The following INSC variants were observed in gnomAD, a reference collection of about 807,000 sequenced individuals.
The protein encoded by INSC is protein inscuteable homolog.
A neutral mutation model predicts 58.6 loss-of-function variants in INSC; 67 were observed. The observed-to-expected ratio is 1.14, with a 90% CI of 0.94 to 1.40. INSC has a LOEUF of 1.40. Among genes scored for constraint, INSC ranks in the 40% most tolerant of loss-of-function variants. The probability of loss-of-function intolerance (pLI) is 0.00; values close to 1 mark genes in which losing one functional copy is unlikely to be tolerated. For missense variants in INSC, 714 were observed against 692.0 expected (o/e 1.03, Z -0.36); for synonymous variants, 262 against 276.1 (o/e 0.95, Z 0.51).
At chr11:15,255,736 ATGTGTGTGTGTGTGTGTG>A in the INSC span, among the ~76,000 whole-genome samples, 3 of 147,912 alleles carry the variant, frequency 2.0e-5, no homozygotes, top group African/African-American at 7.5e-5. Context: ...AAGTGTGTGT[ATGTGTGTGTGTGTGTGTG>A]TGTGTGTGTG....
rs1031604659 is a variant in INSC, at chr11:15,242,221, A to T, written c.1470+1698A>T. On this transcript the variant is annotated intron_variant, in intron 12 of 12. Coordinates refer to ENST00000379556, the MANE Select transcript of INSC (RefSeq NM_001042536.3). ...TTGGTAGCATTGAAAGCACTTGGGA[A>T]ACTATAAAACTCCATTCAGATATGA... 3.3e-5 allele frequency among the ~76,000 whole-genome samples: 5 copies of T among 152,194 alleles called. No individual in the cohort carries two copies. The East Asian group carries it at 9.6e-4, about 29-fold the overall frequency.
chr11:15,213,008 C>T (rs1336282297), intron 7 of INSC, among the ~76,000 whole-genome samples: 1 of 152,144 alleles, frequency 6.6e-6, no homozygotes, highest in Non-Finnish European at 1.5e-5. Context: ...AGGTGGATAA[C>T]TTGCTCATTT....
At chr11:15,173,314 T>C (rs1442718681) in intron 2 of INSC, among the ~76,000 whole-genome samples, 1 of 152,212 alleles carries the variant, frequency 6.6e-6, no homozygotes, top group African/African-American at 2.4e-5. Flanking sequence ...CAGAAAACCT[T>C]ATAAATGTAT....
chr11:15,117,932 G>A (rs1189809803), intron 1 of INSC, among the ~76,000 whole-genome samples: 3 of 152,126 alleles, frequency 2.0e-5, no homozygotes, highest in Admixed American at 6.5e-5. Context: ...CCCCTGCTCC[G>A]AGTGTTTCAG....
upstream of INSC, among the ~76,000 whole-genome samples, chr11:15,113,413 C>T (rs906737732): frequency 1.3e-5 from 2 of 152,168 alleles, no homozygotes; most frequent in African/African-American, 2.4e-5. Flanking sequence ...TCCACCTTGG[C>T]CTCCCAAAGA....
intron 5 of INSC, among the ~76,000 whole-genome samples, chr11:15,185,985 G>T (rs755242677): frequency 1.4e-5 from 2 of 144,774 alleles, no homozygotes; most frequent in Non-Finnish European, 3.1e-5. Flanking sequence ...TTCTAGTTCT[G>T]TATTATGAGG....
chr11:15,176,422 C>A (rs924190839), intron 3 of INSC, among the ~76,000 whole-genome samples: 3 of 152,000 alleles, frequency 2.0e-5, no homozygotes, highest in Admixed American at 1.3e-4. Context: ...TGGACCTCAG[C>A]AAGTTACTTA....
chr11:15,261,027 A>C, the INSC span, among the ~76,000 whole-genome samples: 1 of 152,184 alleles, frequency 6.6e-6, no homozygotes, highest in Non-Finnish European at 1.5e-5. Flanking sequence ...ATCAACTCTG[A>C]TAATTGATAG....
chr11:15,128,887 G>C (rs902041270), intron 1 of INSC, among the ~76,000 whole-genome samples: 1 of 152,190 alleles, frequency 6.6e-6, no homozygotes, highest in African/African-American at 2.4e-5. Context: ...TATCTGGCCA[G>C]TGCCTCTTAG....
chr11:15,133,136 G>A (rs1848163280), intron 1 of INSC, among the ~76,000 whole-genome samples: 1 of 152,102 alleles, frequency 6.6e-6, no homozygotes, highest in African/African-American at 2.4e-5. Flanking sequence ...CAAATATGAT[G>A]AAATACTTGT....
the INSC span, among the ~76,000 whole-genome samples, chr11:15,256,264 G>C: frequency 6.6e-6 from 1 of 152,220 alleles, no homozygotes; most frequent in African/African-American, 2.4e-5. Flanking sequence ...TAGGGGAAGG[G>C]ACATGCTAAT....
chr11:15,266,782 C>T, the INSC span, among the ~76,000 whole-genome samples: 1 of 151,914 alleles, frequency 6.6e-6, no homozygotes, highest in Non-Finnish European at 1.5e-5. Flanking sequence ...TCAGAAGTTC[C>T]AATTTTAACA....
chr11:15,176,220 G>T, intron 3 of INSC, 134 bp downstream of exon 3: 1 of 729,416 alleles, frequency 1.4e-6, no homozygotes, highest in South Asian at 2.3e-5. Flanking sequence ...AAGGAGGAAA[G>T]AAAGAGAGTG....
chr11:15,190,731 A>G lies in INSC; in HGVS notation c.610A>G (p.Asn204Asp), dbSNP rs1406097218. ...GGTGAGAAAAATTGATGCCTCAGAC[A>G]ATATCTACACCACAGAGTCCACCAC... ...ALVRKIDASD[N>D]IYTTESTTGN... The change falls in exon 6 of 13, where the codon AAT (asparagine) becomes GAT (aspartate). Residue 204 changes from asparagine (N) to aspartate (D), a missense_variant. Physicochemically the swap from Asn to Asp is conservative, Grantham distance 23. Transcript: ENST00000379556. 6.2e-7 allele frequency: 1 copy of G among 1,613,020 alleles called. No individual in the cohort carries two copies. The highest frequency in any genetic ancestry group is 1.7e-5 in the Admixed American group (1 of 59,926).
intron 2 of INSC, among the ~76,000 whole-genome samples, chr11:15,175,309 A>C (rs980659787): frequency 6.6e-6 from 1 of 152,224 alleles, no homozygotes; most frequent in Non-Finnish European, 1.5e-5. Context: ...ATTGCGTACT[A>C]CATAATCATA....
At chr11:15,229,982 TATATATA>T (rs1851824477) in intron 9 of INSC, among the ~76,000 whole-genome samples, 21 of 24,134 alleles carry the variant, frequency 8.7e-4, no homozygotes, top group Non-Finnish European at 2.8e-4. Flanking sequence ...ATATATATTA[TATATATA>T]TATATATATA....
chr11:15,112,391 A>T (rs976966994), upstream of INSC: 1 of 1,226,344 alleles, frequency 8.2e-7, no homozygotes, highest in Non-Finnish European at 1.2e-6. Flanking sequence ...ATGGCCCAGA[A>T]GGGTGGGCAA....
At chr11:15,167,349 A>C (rs571988740) in intron 2 of INSC, among the ~76,000 whole-genome samples, 17 of 152,246 alleles carry the variant, frequency 1.1e-4, no homozygotes, top group Admixed American at 2.0e-4. Context: ...AGGCGGAGGC[A>C]AGGATTCCCG....
intron 5 of INSC, among the ~76,000 whole-genome samples, chr11:15,183,915 T>C (rs1849873092): frequency 1.3e-5 from 2 of 152,214 alleles, no homozygotes; most frequent in African/African-American, 4.8e-5. Context: ...ATACTACTTT[T>C]TACTGCCTGT....
Sources: allele counts gnomAD v4.1 joint callset (sites outside exome capture counted in the v4.1 genomes callset), GRCh38; gene constraint gnomAD v4.1.1; transcripts MANE v1.5; gene names NCBI Gene and HGNC (gene_info 2026-07-23, HGNC 2026-07-21).